Variants in GBP7 observed in about 807,000 individuals in gnomAD.
GBP7 encodes the protein guanylate binding protein 7.
In GBP7, 43 loss-of-function variants were observed where a neutral mutation model predicts 61.3. The ratio of observed to expected loss-of-function variants is 0.70; its 90% CI spans 0.55 to 0.91. GBP7 has a LOEUF of 0.91. GBP7 is among the 40% of genes least tolerant of loss of function. The pLI is 0.00. For synonymous variants in GBP7, 267 were observed against 271.0 expected, an observed-to-expected ratio of 0.99 and a Z score of 0.14; for missense variants, 717 against 740.5, an observed-to-expected ratio of 0.97 and a Z score of 0.37.
At chr1:89,145,022 G>A (rs1227743456) in intron 8 of GBP7, among the ~76,000 whole-genome samples, 2 of 150,168 alleles carry the variant, frequency 1.3e-5, no homozygotes, top group East Asian at 2.0e-4. Flanking sequence ...GTGCGATCTC[G>A]GTTCACTGCA....
At chr1:89,167,971 A>C (rs931981446) in intron 2 of GBP7, among the ~76,000 whole-genome samples, 3 of 152,240 alleles carry the variant, frequency 2.0e-5, no homozygotes, top group Non-Finnish European at 2.9e-5. Context: ...AGCTATATTT[A>C]TGGTCCATCT....
chr1:89,155,039 T>C (rs531320014), intron 3 of GBP7, among the ~76,000 whole-genome samples: 120 of 152,322 alleles, frequency 7.9e-4, no homozygotes, highest in African/African-American at 2.8e-3. Context: ...TTTGCCATTC[T>C]GCAATACTTG....
At chr1:89,164,951 TGGCAGGGG>T in intron 2 of GBP7, 93 bp from the exon 3 acceptor site, 1 of 1,299,668 alleles carries the variant, frequency 7.7e-7, no homozygotes, top group Non-Finnish European at 1.1e-6. Flanking sequence ...GTTAAGTTCC[TGGCAGGGG>T]AAACGGGTTG....
intron 8 of GBP7, among the ~76,000 whole-genome samples, chr1:89,146,146 C>T (rs1682059159): frequency 6.6e-6 from 1 of 152,022 alleles, no homozygotes; most frequent in Admixed American, 6.6e-5. Context: ...GGAAACAAAC[C>T]CACACATTTA....
chr1:89,151,466 G>A (rs1306898562), intron 5 of GBP7, among the ~76,000 whole-genome samples: 1 of 152,098 alleles, frequency 6.6e-6, no homozygotes, highest in Non-Finnish European at 1.5e-5. Flanking sequence ...AAAATACTCA[G>A]GTCAGATTAT....
rs182393397 is a variant in GBP7 at position 89,143,553 on chromosome 1, G to A, written c.1366-1905C>T. On this transcript the variant is annotated intron_variant, in intron 8 of 10. Coordinates refer to ENST00000294671, the MANE Select transcript of GBP7 (RefSeq NM_207398.3). ...ATTTAACTTTTATTTTAAGTTCGGG[G>A]TAATTTATAAAGCAAAGAGGTTTAA... 3.0e-3 allele frequency among the ~76,000 whole-genome samples: 455 copies of A among 152,226 alleles called. 2 individuals are homozygous for A. The highest frequency in any genetic ancestry group is 5.4e-3 in the Non-Finnish European group (369 of 68,024).
intron 8 of GBP7, among the ~76,000 whole-genome samples, chr1:89,143,915 G>A (rs571012435): frequency 1.3e-5 from 2 of 152,238 alleles, no homozygotes; most frequent in Admixed American, 1.3e-4. Flanking sequence ...TTCGCATGCA[G>A]GTTTGTTACA....
intron 3 of GBP7, among the ~76,000 whole-genome samples, chr1:89,160,939 AT>A (rs1647247923): frequency 6.6e-6 from 1 of 151,666 alleles, no homozygotes; most frequent in Non-Finnish European, 1.5e-5. Flanking sequence ...TCCTCCCATT[AT>A]CCACCCTCAG....
Position 89,155,428 on chromosome 1 carries a change from G to A in GBP7, c.319-2651C>T, listed in dbSNP as rs186612299. Among the ~76,000 whole-genome samples the A allele has an allele frequency of 1.6e-4, 24 of 152,244 alleles. No homozygotes were observed. In the East Asian group the frequency reaches 2.5e-3, roughly 16 times the overall value. ...TTCTCCAAGCTAAAGGAGGATGTTC[G>A]AACCCATCACAAAGAAGCTAAAAAC... On this transcript the variant is annotated intron_variant, in intron 3 of 10. Transcript: ENST00000294671.
intron 3 of GBP7, among the ~76,000 whole-genome samples, chr1:89,155,254 A>G (rs559053742): frequency 6.6e-6 from 1 of 152,248 alleles, no homozygotes; most frequent in African/African-American, 2.4e-5. Flanking sequence ...GGGAGAAACC[A>G]GAGCAGAAAA....
intron 3 of GBP7, among the ~76,000 whole-genome samples, chr1:89,160,528 CAG>C (rs1395166115): frequency 1.3e-5 from 2 of 152,086 alleles, no homozygotes; most frequent in African/African-American, 4.8e-5. Context: ...TCTCTCTACT[CAG>C]TGTCCTTATC....
chr1:89,147,946 G>A (rs2100644954), intron 7 of GBP7, among the ~76,000 whole-genome samples, 167 bp from the exon 8 acceptor site: 1 of 152,284 alleles, frequency 6.6e-6, no homozygotes, highest in Admixed American at 6.5e-5. Flanking sequence ...TCAATTCTCT[G>A]CATGACCTGT....
At chr1:89,174,764 G>C (rs147261861) in intron 1 of GBP7, among the ~76,000 whole-genome samples, 1 of 152,226 alleles carries the variant, frequency 6.6e-6, no homozygotes, top group African/African-American at 2.4e-5. Context: ...GTTGATTTTT[G>C]ACTTGATTAT....
At chr1:89,144,058 A>G (rs185334886) in intron 8 of GBP7, among the ~76,000 whole-genome samples, 110 of 152,156 alleles carry the variant, frequency 7.2e-4, no homozygotes, top group African/African-American at 2.6e-3. Flanking sequence ...TCCCCAGTGT[A>G]TATTGTTCCC....
In GBP7 at chr1:89,152,300, T is replaced by G. The variant is rs1557459279; in HGVS notation, c.593A>C (p.Glu198Ala). The change falls in exon 5 of 11, where the codon GAG (glutamate) becomes GCG (alanine). Residue 198 changes from glutamate to alanine, a missense_variant. Glu to Ala is a moderately radical substitution (Grantham distance 107, BLOSUM62 -1). Coordinates refer to ENST00000294671, the MANE Select transcript of GBP7 (RefSeq NM_207398.3). ...CAGCTTCAAGGCATTCTCCAGGTAC[T>G]CATCTTCTGTGATGGGGTGTCCATC... ...KLDGHPITED[E>A]YLENALKLIS... 2.5e-6 allele frequency: 4 copies of G among 1,614,138 alleles called. No individual in the cohort carries two copies. Among genetic ancestry groups the G allele is most frequent in the Non-Finnish European group, 3.4e-6 (4 of 1,180,006 alleles).
intron 2 of GBP7, among the ~76,000 whole-genome samples, chr1:89,166,014 A>G (rs868237762): frequency 2.0e-5 from 3 of 152,154 alleles, no homozygotes; most frequent in Admixed American, 6.5e-5. Flanking sequence ...CTAGACACTG[A>G]ATCTCCTTGT....
chr1:89,164,783 G>C lies in GBP7; in HGVS notation c.266C>G (p.Pro89Arg), dbSNP rs1284538943. The change falls in exon 3 of 11, where the codon CCA (proline) becomes CGA (arginine). Residue 89 changes from proline to arginine, a missense_variant. Physicochemically the swap from Pro to Arg is moderately radical, Grantham distance 103. This residue lies in a region of GBP7 where 387 missense variants were observed against 385.2 expected (regional missense o/e 1.00). Transcript: ENST00000294671. ...GTCCAGAAGGATCAGGGTGTGGTTTGGCTTGGAGGGGTGGGGCACACACCA... is the reference window on the plus strand; with the variant it reads ...GTCCAGAAGGATCAGGGTGTGGTTTCGCTTGGAGGGGTGGGGCACACACCA... Reference protein sequence around the residue: ...WMWCVPHPSKPNHTLILLDTE... With the variant: ...WMWCVPHPSKRNHTLILLDTE... 6.2e-7 allele frequency: 1 copy of C among 1,613,954 alleles called. No individual in the cohort carries two copies. Among genetic ancestry groups the C allele is most frequent in the East Asian group, 2.2e-5 (1 of 44,860 alleles).
chr1:89,153,290 A>C (rs1288823925), intron 3 of GBP7, among the ~76,000 whole-genome samples: 1 of 152,210 alleles, frequency 6.6e-6, no homozygotes, highest in Non-Finnish European at 1.5e-5. Flanking sequence ...CAGCTGTAGT[A>C]TATATAGCTG....
chr1:89,170,992 G>T (rs545912829), intron 2 of GBP7, among the ~76,000 whole-genome samples: 4 of 152,208 alleles, frequency 2.6e-5, no homozygotes, highest in South Asian at 2.1e-4. Flanking sequence ...ACATCAACTG[G>T]CGTATATGTC....
Sources: gnomAD v4.1 joint callset for allele counts (sites outside exome capture counted in the v4.1 genomes callset) on GRCh38, gnomAD v4.1.1 for gene constraint, gnomAD v4.1.1 regional missense constraint, MANE v1.5 for transcripts, NCBI Gene and HGNC (gene_info 2026-07-23, HGNC 2026-07-21) for gene names.